Variants in UGT1A1 observed in about 807,000 individuals in gnomAD.
UGT1A1 encodes UDP glucuronosyltransferase family 1 member A1.
UGT1A1 carries 33 observed loss-of-function variants against 40.6 expected under a neutral mutation model. The observed-to-expected ratio is 0.81, with a 90% CI of 0.62 to 1.09. The LOEUF (loss-of-function observed/expected upper bound fraction) is 1.09. Ranked by LOEUF, UGT1A1 falls within the 50% of genes least tolerant of loss-of-function variation. The pLI, the probability that UGT1A1 is intolerant of heterozygous loss-of-function variation, is 0.00. For synonymous variants in UGT1A1, 249 were observed against 265.0 expected (o/e 0.94, Z 0.59); for missense variants, 694 against 671.2 (o/e 1.03, Z -0.38).
Position 233,772,347 on chromosome 2 carries a change from T to A in UGT1A1, c.1390T>A (p.Phe464Ile), listed in dbSNP as rs1700509286. 9.9e-6 allele frequency: 16 copies of A among 1,614,210 alleles called. No individual in the cohort carries two copies. The highest frequency in any genetic ancestry group is 1.4e-5 in the Non-Finnish European group (16 of 1,180,042). ...GGACCTGGCCGTGTTCTGGGTGGAG[T>A]TTGTGATGAGGCACAAGGGCGCGCC... is the stretch of plus-strand genomic sequence containing the variant. ...PLDLAVFWVE[F>I]VMRHKGAPHL... The change falls in exon 5 of 5, where the codon TTT becomes ATT. Residue 464 changes from phenylalanine (F) to isoleucine (I), a missense_variant. Coordinates refer to ENST00000305208, the MANE Select transcript of UGT1A1 (RefSeq NM_000463.3).
rs770662663 is a variant in UGT1A1, at chr2:233,769,604, A to G, written c.1304+1165A>G. 1.9e-6 allele frequency: 3 copies of G among 1,612,850 alleles called. No homozygotes were observed. In the South Asian group the frequency reaches 3.3e-5, roughly 18 times the overall value. On this transcript the variant is annotated intron_variant, in intron 4 of 4. Transcript: ENST00000305208. The surrounding 1 kb of genome is among the most constrained non-coding windows in gnomAD (Gnocchi z 4.4). ...AGATGAGAGGAGACGGAACACGGGG[A>G]CACACCAGCTTGAGCAAGGGACAAC...
Position 233,769,836 on chromosome 2 carries a change from C to T in UGT1A1, c.1304+1397C>T. ...TGCCACTGCACTCCAGCAACCTGGGCAACAGAGTGAGACCCTGTCTCAAAA... is the reference window on the plus strand; with the variant it reads ...TGCCACTGCACTCCAGCAACCTGGGTAACAGAGTGAGACCCTGTCTCAAAA... On this transcript the variant is annotated intron_variant, in intron 4 of 4. Coordinates refer to ENST00000305208, the MANE Select transcript of UGT1A1 (RefSeq NM_000463.3). This position sits in a 1 kb window ranked among gnomAD's most constrained non-coding sequence, Gnocchi z 4.4. 7.4e-6 allele frequency: 4 copies of T among 538,192 alleles called. No individual in the cohort carries two copies. The highest frequency in any genetic ancestry group is 1.1e-5 in the Non-Finnish European group (4 of 353,822). 33.3% of individuals were successfully genotyped at this position (538,192 alleles called of 1,614,324 possible).
intron 1 of UGT1A1, 114 bp downstream of exon 1, chr2:233,761,265 GC>G: frequency 2.5e-6 from 4 of 1,595,896 alleles, no homozygotes; most frequent in Non-Finnish European, 3.4e-6. Context: ...AATTTAAAAT[GC>G]CCTCTTTTGT....
Position 233,772,777 on chromosome 2 carries a change from T to C in UGT1A1, c.*218T>C. The stretch of plus-strand genomic sequence containing the variant: ...TATGTATCGTGCCCCCTCTGGTGTC[T>C]TTGATCAGGATGACATGTGCCATTT... On this transcript the variant is annotated 3_prime_UTR_variant, in exon 5 of 5. Coordinates refer to ENST00000305208, the MANE Select transcript of UGT1A1 (RefSeq NM_000463.3). 8.4e-6 allele frequency: 11 copies of C among 1,302,124 alleles called. No individual in the cohort carries two copies. The highest frequency in any genetic ancestry group is 1.1e-5 in the Non-Finnish European group (11 of 988,102). 80.7% of individuals were successfully genotyped at this position (1,302,124 alleles called of 1,614,324 possible). A position where few individuals can be genotyped will look rare whatever the true frequency, so the allele number is the denominator to read the frequency against.
intron 1 of UGT1A1, among the ~76,000 whole-genome samples, chr2:233,766,110 G>T (rs1275743643): frequency 6.6e-6 from 1 of 152,184 alleles, no homozygotes; most frequent in Non-Finnish European, 1.5e-5. Context: ...TATCCTGGGG[G>T]CTTGCCTTGG....
intron 1 of UGT1A1, among the ~76,000 whole-genome samples, chr2:233,761,510 A>C (rs1161669580): frequency 6.6e-6 from 1 of 152,248 alleles, no homozygotes. Flanking sequence ...TCAGTCAGGC[A>C]GGCAATGTTC....
intron 4 of UGT1A1, chr2:233,770,452 G>C (rs1050174931): frequency 6.6e-6 from 1 of 152,078 alleles, no homozygotes; most frequent in African/African-American, 2.4e-5. Context: ...TTAGGAGTTC[G>C]AAACCAACCT....
rs587784540 is a variant in UGT1A1 at position 233,760,766 on chromosome 2, T to A, written c.479T>A (p.Val160Glu). 1.9e-6 allele frequency: 3 copies of A among 1,614,116 alleles called. No individual in the cohort carries two copies. The South Asian group carries it at 3.3e-5, about 18-fold the overall frequency. Residue 160 changes from valine (V) to glutamate (E), a missense_variant, in exon 1 of 5, where the codon GTG (valine) becomes GAG (glutamate). Coordinates refer to ENST00000305208, the MANE Select transcript of UGT1A1 (RefSeq NM_000463.3). ...CCTTTCCTTCCTTGCAGCCCCATCG[T>A]GGCCCAGTACCTGTCTCTGCCCACT... Reference protein sequence around the residue: ...TDPFLPCSPIVAQYLSLPTVF... With the variant: ...TDPFLPCSPIEAQYLSLPTVF...
At chr2:233,761,622 G>A (rs1417511901) in intron 1 of UGT1A1, among the ~76,000 whole-genome samples, 3 of 152,238 alleles carry the variant, frequency 2.0e-5, no homozygotes, top group Non-Finnish European at 4.4e-5. Flanking sequence ...CTGATAAGAA[G>A]CTAAATCCTG....
At chr2:233,771,792 C>T (rs974191909) in intron 4 of UGT1A1, among the ~76,000 whole-genome samples, 6 of 151,492 alleles carry the variant, frequency 4.0e-5, no homozygotes, top group Non-Finnish European at 8.8e-5. Context: ...CTCTCCCTCC[C>T]TCCCTCCCTC....
At chr2:233,762,172 G>A (rs964461264) in intron 1 of UGT1A1, among the ~76,000 whole-genome samples, 8 of 152,040 alleles carry the variant, frequency 5.3e-5, no homozygotes, top group East Asian at 3.9e-4. Flanking sequence ...TGTATGCGGC[G>A]TCCTCAACAC....
Position 233,768,300 on chromosome 2 carries a change from G to C in UGT1A1, c.1165G>C (p.Val389Leu), listed in dbSNP as rs1365887380. Residue 389 changes from valine (V) to leucine (L), a missense_variant, in exon 4 of 5, where the codon GTG becomes CTG. Coordinates refer to ENST00000305208, the MANE Select transcript of UGT1A1 (RefSeq NM_000463.3). Reference protein sequence around the residue: ...YESICNGVPMVMMPLFGDQMD... With the variant: ...YESICNGVPMLMMPLFGDQMD... ...AAGCATATGCAATGGCGTTCCCATG[G>C]TGATGATGCCCTTGTTTGGTGATCA... 1 of 1,614,196 alleles carries C rather than the reference G, an allele frequency of 6.2e-7. No homozygotes were observed. Among genetic ancestry groups the C allele is most frequent in the Admixed American group, 1.7e-5 (1 of 60,014 alleles).
At position 233,768,291 on chromosome 2, in the gene UGT1A1, G is replaced by A. The variant is rs143573365; in HGVS notation, c.1156G>A (p.Val386Ile). Residue 386 changes from valine to isoleucine, a missense_variant, in exon 4 of 5, where the codon GTT (valine) becomes ATT (isoleucine). Transcript: ENST00000305208. ...TGTTTATGAAAGCATATGCAATGGC[G>A]TTCCCATGGTGATGATGCCCTTGTT... ...HGVYESICNG[V>I]PMVMMPLFGD... 6.4e-5 allele frequency: 104 copies of A among 1,614,030 alleles called. No homozygotes were observed. Among genetic ancestry groups the A allele is most frequent in the Middle Eastern group, 1.6e-4 (1 of 6,084 alleles).
chr2:233,769,890 A>C lies in UGT1A1; in HGVS notation c.1304+1451A>C. On this transcript the variant is annotated intron_variant, in intron 4 of 4. Transcript: ENST00000305208. This position sits in a 1 kb window ranked among gnomAD's most constrained non-coding sequence, Gnocchi z 4.4. Reference sequence around the variant, plus strand: ...AAAAAAAAAATGAAAAGTCCACATAACCTGAGCATCATGTGCCCAGAGCGT... The same window carrying C: ...AAAAAAAAAATGAAAAGTCCACATACCCTGAGCATCATGTGCCCAGAGCGT... 1 of 371,658 alleles carries C rather than the reference A, an allele frequency of 2.7e-6. No homozygotes were observed. 23.0% of individuals were successfully genotyped at this position (371,658 alleles called of 1,614,324 possible).
Position 233,773,228 on chromosome 2 carries a change from T to C in UGT1A1, c.*669T>C, listed in dbSNP as rs570239690. The C allele has an allele frequency of 6.6e-6, 1 of 152,468 alleles. No homozygotes were observed. The highest frequency in any genetic ancestry group is 2.4e-5 in the African/African-American group (1 of 41,574). 9.4% of individuals were successfully genotyped at this position (152,468 alleles called of 1,614,324 possible). A position where few individuals can be genotyped will look rare whatever the true frequency, so the allele number is the denominator to read the frequency against. ...AAAAACCCAAAATACAGCTATGAAG[T>C]GCTGGGCAAGTTTACTTTTTTTCTG... On this transcript the variant is annotated 3_prime_UTR_variant, in exon 5 of 5. Coordinates refer to ENST00000305208, the MANE Select transcript of UGT1A1 (RefSeq NM_000463.3).
chr2:233,766,327 G>A (rs373926451), intron 1 of UGT1A1, among the ~76,000 whole-genome samples: 29 of 152,248 alleles, frequency 1.9e-4, no homozygotes, highest in East Asian at 9.7e-4. Context: ...CAAACTCCGC[G>A]TTGTTCTGCT....
chr2:233,772,680 C>G lies in UGT1A1; in HGVS notation c.*121C>G. 6.5e-7 allele frequency: 1 copy of G among 1,530,096 alleles called. No individual in the cohort carries two copies. The highest frequency in any genetic ancestry group is 8.8e-7 in the Non-Finnish European group (1 of 1,141,550). 94.8% of individuals were successfully genotyped at this position (1,530,096 alleles called of 1,614,324 possible). Reference sequence around the variant, plus strand: ...AAGGAAATACTTTGCATAAATTAATCAGCCCCAGAGTGCTTTAAAAAATTC... The same window carrying G: ...AAGGAAATACTTTGCATAAATTAATGAGCCCCAGAGTGCTTTAAAAAATTC... On this transcript the variant is annotated 3_prime_UTR_variant, in exon 5 of 5. Transcript: ENST00000305208.
At position 233,769,321 on chromosome 2, in the gene UGT1A1, T is replaced by C. The variant is rs571873884; in HGVS notation, c.1304+882T>C. Among the ~76,000 whole-genome samples, 2 of 152,374 alleles carry C rather than the reference T, an allele frequency of 1.3e-5. No individual in the cohort carries two copies. The highest frequency in any genetic ancestry group is 4.1e-4 in the South Asian group (2 of 4,830). ...AGTATATTACTGTCAAGCTCACTGG[T>C]AATAGGCTTATTAGAACCTTATGGG... On this transcript the variant is annotated intron_variant, in intron 4 of 4. Coordinates refer to ENST00000305208, the MANE Select transcript of UGT1A1 (RefSeq NM_000463.3). The surrounding 1 kb of genome is among the most constrained non-coding windows in gnomAD (Gnocchi z 4.4).
At chr2:233,770,519 A>C (rs1327661350) in intron 4 of UGT1A1, 1 of 152,120 alleles carries the variant, frequency 6.6e-6, no homozygotes, top group South Asian at 2.1e-4. Context: ...TTACCCAGGC[A>C]TGGTGGTGTA....
Sources: gnomAD v4.1 joint callset for allele counts (sites outside exome capture counted in the v4.1 genomes callset) on GRCh38, gnomAD v4.1.1 for gene constraint, Gnocchi (gnomAD v3.1) non-coding constraint, MANE v1.5 for transcripts, NCBI Gene and HGNC (gene_info 2026-07-23, HGNC 2026-07-21) for gene names.